Variants in NEDD9 observed in about 807,000 individuals in gnomAD.
NEDD9 encodes the protein neural precursor cell expressed, developmentally down-regulated 9.
A neutral mutation model predicts 76.6 loss-of-function variants in NEDD9; 26 were observed. The ratio of observed to expected loss-of-function variants is 0.34; its 90% CI spans 0.25 to 0.47. The LOEUF is 0.47. Ranked by LOEUF, NEDD9 falls within the 20% of genes least tolerant of loss-of-function variation. The pLI is 1.00. For synonymous variants in NEDD9, 392 were observed against 414.2 expected, an observed-to-expected ratio of 0.95 and a Z score of 0.65; for missense variants, 937 against 1,058.5, an observed-to-expected ratio of 0.89 and a Z score of 1.59.
At chr6:11,194,359 G>T (rs76837826) in intron 2 of NEDD9, among the ~76,000 whole-genome samples, 1 of 152,150 alleles carries the variant, frequency 6.6e-6, no homozygotes, top group African/African-American at 2.4e-5. Flanking sequence ...CTAAAGTACC[G>T]CATACTGAAA....
Position 11,184,949 on chromosome 6 carries a change from C to T in NEDD9, c.*213G>A, listed in dbSNP as rs184757303. On this transcript the variant is annotated 3_prime_UTR_variant, in exon 7 of 7. Transcript: ENST00000379446. ...TGTACAGTTTATGTCTCAGATACTT[C>T]TATGTATACATAAGAACCACTCAGG... is the stretch of plus-strand genomic sequence containing the variant. 1.1e-5 allele frequency: 6 copies of T among 546,356 alleles called. No individual in the cohort carries two copies. Among genetic ancestry groups the T allele is most frequent in the African/African-American group, 9.4e-5 (5 of 53,272 alleles). 33.8% of individuals were successfully genotyped at this position (546,356 alleles called of 1,614,324 possible). A position where few individuals can be genotyped will look rare whatever the true frequency, so the allele number is the denominator to read the frequency against.
At chr6:11,377,516 G>GC (rs1454889210) in intron 1 of NEDD9, among the ~76,000 whole-genome samples, 2 of 152,212 alleles carry the variant, frequency 1.3e-5, no homozygotes, top group Admixed American at 1.3e-4. Flanking sequence ...TTTGTGTGGG[G>GC]CCCCTATACC....
intron 2 of NEDD9, among the ~76,000 whole-genome samples, chr6:11,332,203 A>C (rs1762054385): frequency 6.6e-6 from 1 of 152,218 alleles, no homozygotes; most frequent in African/African-American, 2.4e-5. Context: ...TTTGCAACCT[A>C]GAGTTGTAGG....
intron 3 of NEDD9, 117 bp from the exon 4 acceptor site, chr6:11,192,563 T>C (rs1209828036): frequency 1.5e-6 from 1 of 674,358 alleles, no homozygotes; most frequent in Non-Finnish European, 2.5e-6. Context: ...GCTTGATCTT[T>C]GGCAGTGCTC....
intron 2 of NEDD9, among the ~76,000 whole-genome samples, chr6:11,201,879 T>C (rs1040959084): frequency 2.0e-5 from 3 of 152,216 alleles, no homozygotes; most frequent in African/African-American, 4.8e-5. Context: ...TAGCCTGAAT[T>C]GTGCAATCCT....
intron 2 of NEDD9, among the ~76,000 whole-genome samples, chr6:11,333,515 C>A (rs1762091485): frequency 6.6e-6 from 1 of 152,240 alleles, no homozygotes; most frequent in Non-Finnish European, 1.5e-5. Flanking sequence ...TATGGAAAGA[C>A]TGAGCAGAGG....
In NEDD9 at chr6:11,370,329, A is replaced by C. The variant is rs1762839513; in HGVS notation, c.-214+11810T>G. Reference sequence around the variant, plus strand: ...AAAACCATTCTTTGCTCTGCTATGTAGAGTAGAGCTTTGTTTTTCAATCAG... The same window carrying C: ...AAAACCATTCTTTGCTCTGCTATGTCGAGTAGAGCTTTGTTTTTCAATCAG... On this transcript the variant is annotated intron_variant, in intron 1 of 3. Transcript: ENST00000397378. The surrounding 1 kb of genome is among the most constrained non-coding windows in gnomAD (Gnocchi z 4.2). 6.6e-6 allele frequency among the ~76,000 whole-genome samples: 1 copy of C among 152,188 alleles called. No individual in the cohort carries two copies. Among genetic ancestry groups the C allele is most frequent in the African/African-American group, 2.4e-5 (1 of 41,436 alleles).
At chr6:11,299,647 A>G (rs1422184956) in intron 3 of NEDD9, among the ~76,000 whole-genome samples, 1 of 152,182 alleles carries the variant, frequency 6.6e-6, no homozygotes, top group African/African-American at 2.4e-5. Flanking sequence ...CCCTGGGACG[A>G]AGCTTCCAGA....
At chr6:11,294,211 A>C (rs1418022226) in intron 3 of NEDD9, among the ~76,000 whole-genome samples, 2 of 152,194 alleles carry the variant, frequency 1.3e-5, no homozygotes, top group African/African-American at 4.8e-5. Flanking sequence ...AGTTACTGCT[A>C]CATATGATAA....
At chr6:11,258,134 G>A (rs1160633966) in intron 3 of NEDD9, among the ~76,000 whole-genome samples, 2 of 152,184 alleles carry the variant, frequency 1.3e-5, no homozygotes, top group Non-Finnish European at 2.9e-5. Flanking sequence ...ACAGAAGGTA[G>A]AGAAACTCAA....
intron 2 of NEDD9, among the ~76,000 whole-genome samples, chr6:11,325,684 A>G (rs1761911007): frequency 6.6e-6 from 1 of 152,238 alleles, no homozygotes; most frequent in South Asian, 2.1e-4. Flanking sequence ...CTTTTATTTT[A>G]GTACCTTTCA....
intron 3 of NEDD9, among the ~76,000 whole-genome samples, chr6:11,253,625 G>A (rs1217504919): frequency 6.6e-6 from 1 of 152,180 alleles, no homozygotes; most frequent in Non-Finnish European, 1.5e-5. Context: ...AATTTTAAGT[G>A]TGGGAAACTA....
At chr6:11,288,366 C>T (rs11961194) in intron 3 of NEDD9, among the ~76,000 whole-genome samples, 3 of 152,160 alleles carry the variant, frequency 2.0e-5, no homozygotes, top group Admixed American at 6.5e-5. Flanking sequence ...TAATTAAATT[C>T]GTCTATACAA....
At chr6:11,333,056 AAGGAAGGG>A (rs1227380672) in intron 2 of NEDD9, among the ~76,000 whole-genome samples, 25 of 143,632 alleles carry the variant, frequency 1.7e-4, no homozygotes, top group East Asian at 6.2e-4. Context: ...GGAAGGAAGG[AAGGAAGGG>A]AGGGAGGGAG....
intron 1 of NEDD9, among the ~76,000 whole-genome samples, chr6:11,358,120 A>G (rs1810451): frequency 0.73 from 111,033 of 151,812 alleles, 41,650 homozygotes; most frequent in African/African-American, 0.9. Context: ...TGCGTGCTGC[A>G]TGCCTGTAGT....
At chr6:11,279,949 C>T (rs535917772) in intron 3 of NEDD9, among the ~76,000 whole-genome samples, 4 of 152,244 alleles carry the variant, frequency 2.6e-5, no homozygotes, top group African/African-American at 4.8e-5. Flanking sequence ...GGGTGGCTCC[C>T]GGGAAAGGTC....
chr6:11,268,524 T>C (rs1162044025), intron 3 of NEDD9, among the ~76,000 whole-genome samples: 1 of 152,090 alleles, frequency 6.6e-6, no homozygotes, highest in Non-Finnish European at 1.5e-5. Context: ...GGTCAGGAGT[T>C]TGAGACCAGC....
At chr6:11,231,955 G>C (rs1164294335) in intron 1 of NEDD9, among the ~76,000 whole-genome samples, 1 of 152,094 alleles carries the variant, frequency 6.6e-6, no homozygotes, top group African/African-American at 2.4e-5. Context: ...ATAACATAAG[G>C]ATGTCAAAAT....
At chr6:11,269,984 G>T (rs1000678005) in intron 3 of NEDD9, among the ~76,000 whole-genome samples, 1 of 152,158 alleles carries the variant, frequency 6.6e-6, no homozygotes, top group South Asian at 2.1e-4. Flanking sequence ...AAAATTAGCC[G>T]GGTGTGGTGG....
Sources: allele counts gnomAD v4.1 joint callset (sites outside exome capture counted in the v4.1 genomes callset), GRCh38; gene constraint gnomAD v4.1.1; non-coding constraint Gnocchi (gnomAD v3.1); transcripts MANE v1.5; gene names NCBI Gene and HGNC (gene_info 2026-07-23, HGNC 2026-07-21).